Variants in ADCY1 observed in about 807,000 individuals in gnomAD.
The protein encoded by ADCY1 is adenylate cyclase 1.
In ADCY1, 28 loss-of-function variants were observed where a neutral mutation model predicts 105.4. The ratio of observed to expected loss-of-function variants is 0.27; its 90% confidence interval spans 0.20 to 0.36. The LOEUF (loss-of-function observed/expected upper bound fraction) is 0.36. Among genes scored for constraint, ADCY1 ranks in the 10% least tolerant of loss-of-function variants. The pLI is 1.00. For synonymous variants in ADCY1, 655 were observed against 623.8 expected (o/e 1.05, Z -0.75); for missense variants, 977 against 1,434.2 (o/e 0.68, Z 5.15).
chr7:45,700,391 A>G (rs1055387383), intron 14 of ADCY1, among the ~76,000 whole-genome samples: 8 of 152,166 alleles, frequency 5.3e-5, no homozygotes, highest in East Asian at 1.9e-4. Flanking sequence ...ACATGAAGCA[A>G]TTCAGCCCCA....
At chr7:45,640,271 A>G (rs1199674924) in intron 4 of ADCY1, among the ~76,000 whole-genome samples, 1 of 152,224 alleles carries the variant, frequency 6.6e-6, no homozygotes, top group Non-Finnish European at 1.5e-5. Context: ...GTGCCAAGCA[A>G]GGAGAATTGA....
At chr7:45,629,601 C>T (rs563987241) in intron 4 of ADCY1, among the ~76,000 whole-genome samples, 112 of 151,664 alleles carry the variant, frequency 7.4e-4, no homozygotes, top group Non-Finnish European at 1.2e-3. Context: ...TCACTGCAAG[C>T]TCCGCTTCCC....
At chr7:45,652,624 C>G (rs1414154034) in intron 5 of ADCY1, among the ~76,000 whole-genome samples, 1 of 152,226 alleles carries the variant, frequency 6.6e-6, no homozygotes, top group African/African-American at 2.4e-5. Flanking sequence ...CCTCCCACGC[C>G]TAGCATCTAG....
intron 1 of ADCY1, among the ~76,000 whole-genome samples, chr7:45,578,929 CT>C (rs1473791705): frequency 6.6e-6 from 1 of 152,208 alleles, no homozygotes; most frequent in Non-Finnish European, 1.5e-5. Context: ...AAATTATATG[CT>C]TTCAATTTCG....
At chr7:45,653,349 G>T (rs1794859662) in intron 5 of ADCY1, among the ~76,000 whole-genome samples, 1 of 152,208 alleles carries the variant, frequency 6.6e-6, no homozygotes, top group South Asian at 2.1e-4. Flanking sequence ...CCCAGCTGCT[G>T]CAGCCAGGCT....
At chr7:45,658,298 A>C (rs541689004) in intron 6 of ADCY1, among the ~76,000 whole-genome samples, 121 of 149,512 alleles carry the variant, frequency 8.1e-4, no homozygotes, top group African/African-American at 2.9e-3. Context: ...CTCCACCCCC[A>C]AGCTCCACAC....
chr7:45,585,335 A>T lies in ADCY1; in HGVS notation c.640-7424A>T, dbSNP rs553507624. Among the ~76,000 whole-genome samples the T allele has an allele frequency of 5.3e-5, 8 of 152,262 alleles. No homozygotes were observed. The South Asian group carries it at 1.7e-3, about 32-fold the overall frequency. ...GAAATATCTCTGATAGTTAATTTTT[A>T]AAAATCTGTACTTGCAGACATCACA... On this transcript the variant is annotated intron_variant, in intron 1 of 19. Coordinates refer to ENST00000297323, the MANE Select transcript of ADCY1 (RefSeq NM_021116.4).
At chr7:45,675,657 A>G (rs1288095087) in intron 8 of ADCY1, among the ~76,000 whole-genome samples, 2 of 152,088 alleles carry the variant, frequency 1.3e-5, no homozygotes, top group African/African-American at 4.8e-5. Context: ...ACAGTTCTTA[A>G]GCACTTGATG....
At position 45,721,535 on chromosome 7, in the gene ADCY1, T is replaced by G. The variant is rs1474708737; in HGVS notation, c.*7540T>G. The G allele has an allele frequency of 5.0e-6, 2 of 396,724 alleles. No individual in the cohort carries two copies. Among genetic ancestry groups the G allele is most frequent in the Non-Finnish European group, 8.9e-6 (2 of 225,456 alleles). 24.6% of individuals were successfully genotyped at this position (396,724 alleles called of 1,614,324 possible). ...CCAGACACCCTGAAACTACACACCA[T>G]TTCTTCCCTGCTCAGCTTCTGCTCA... On this transcript the variant is annotated 3_prime_UTR_variant, in exon 20 of 20. Coordinates refer to ENST00000297323, the MANE Select transcript of ADCY1 (RefSeq NM_021116.4).
intron 14 of ADCY1, among the ~76,000 whole-genome samples, chr7:45,696,436 C>T (rs1408516814): frequency 2.2e-5 from 1 of 44,832 alleles, no homozygotes; most frequent in African/African-American, 1.3e-4. Context: ...TATACTCCAT[C>T]TCAAAAAAAA....
chr7:45,584,455 C>A (rs1003278685), intron 1 of ADCY1, among the ~76,000 whole-genome samples: 2 of 152,162 alleles, frequency 1.3e-5, no homozygotes, highest in African/African-American at 4.8e-5. Context: ...AGAGGATGGC[C>A]CCTTCACAGC....
intron 14 of ADCY1, among the ~76,000 whole-genome samples, chr7:45,699,017 T>C (rs1414274533): frequency 1.3e-5 from 2 of 152,244 alleles, no homozygotes; most frequent in Non-Finnish European, 2.9e-5. Context: ...TACAGCCAGC[T>C]GAGTACCAAC....
chr7:45,694,058 A>G (rs9638989), intron 14 of ADCY1, among the ~76,000 whole-genome samples: 62,717 of 114,222 alleles, frequency 0.55, 18,036 homozygotes, highest in East Asian at 0.77. Flanking sequence ...TGGCACATGT[A>G]TACATATGTA....
At chr7:45,705,786 G>GA (rs1474190384) in intron 17 of ADCY1, among the ~76,000 whole-genome samples, 1 of 152,100 alleles carries the variant, frequency 6.6e-6, no homozygotes, top group African/African-American at 2.4e-5. Flanking sequence ...ACTATACGTA[G>GA]AAAATGCAGA....
intron 4 of ADCY1, among the ~76,000 whole-genome samples, chr7:45,644,151 CCTT>C (rs1584297584): frequency 1.3e-5 from 2 of 152,232 alleles, no homozygotes; most frequent in Admixed American, 1.3e-4. Context: ...TTCATCCTCT[CCTT>C]CTCCCAGGTA....
intron 1 of ADCY1, among the ~76,000 whole-genome samples, chr7:45,587,510 G>A (rs1056463198): frequency 1.3e-5 from 2 of 152,194 alleles, no homozygotes; most frequent in East Asian, 3.8e-4. Context: ...GACAGAGAGA[G>A]AACGTCAGAG....
intron 14 of ADCY1, among the ~76,000 whole-genome samples, chr7:45,700,497 A>T (rs547251236): frequency 1.3e-5 from 2 of 152,150 alleles, no homozygotes; most frequent in South Asian, 4.1e-4. Context: ...GCACTTTCCC[A>T]AAAGGAGGTG....
At chr7:45,705,007 G>A (rs770838784) in intron 17 of ADCY1, among the ~76,000 whole-genome samples, 24 of 144,434 alleles carry the variant, frequency 1.7e-4, no homozygotes, top group Non-Finnish European at 3.3e-4. Flanking sequence ...CTTTTCCACA[G>A]TAGAACTATG....
rs2116059781 is a variant in ADCY1, at chr7:45,648,683, G to C, written c.1034G>C (p.Arg345Pro). Residue 345 changes from arginine to proline, a missense_variant, in exon 5 of 20, where the codon CGC becomes CCC. Physicochemically the swap from Arg to Pro is moderately radical, Grantham distance 103 (BLOSUM62 -2). Coordinates refer to ENST00000297323, the MANE Select transcript of ADCY1 (RefSeq NM_021116.4). ...FDELATENHC[R>P]RIKILGDCYY... ...CCTTCCCTGAAGGAGAACCACTGTC[G>C]CCGCATCAAGATTCTCGGGGACTGC... 1 of 1,614,114 alleles carries C rather than the reference G, an allele frequency of 6.2e-7. No individual in the cohort carries two copies. The highest frequency in any genetic ancestry group is 1.1e-5 in the South Asian group (1 of 91,086).
Sources: gnomAD v4.1 joint callset for allele counts (sites outside exome capture counted in the v4.1 genomes callset) on GRCh38, gnomAD v4.1.1 for gene constraint, MANE v1.5 for transcripts, NCBI Gene and HGNC (gene_info 2026-07-23, HGNC 2026-07-21) for gene names.